ALK: variants seen among roughly 807,000 people sequenced by gnomAD.
The protein encoded by ALK is ALK tyrosine kinase receptor.
A neutral mutation model predicts 163.1 loss-of-function variants in ALK; 74 were observed. That is an observed-to-expected ratio of 0.45 (90% confidence interval 0.38 to 0.55). The LOEUF (loss-of-function observed/expected upper bound fraction) is 0.55, where lower values mean the gene tolerates loss of function less well. Among genes scored for constraint, ALK ranks in the 20% least tolerant of loss-of-function variants. The pLI, the probability that ALK is intolerant of heterozygous loss-of-function variation, is 0.00. For missense variants in ALK, 2,063 were observed against 2,105.3 expected, an observed-to-expected ratio of 0.98 and a Z score of 0.39; for synonymous variants, 960 against 843.2, an observed-to-expected ratio of 1.14 and a Z score of -2.40.
chr2:29,228,917 A>T lies in ALK; in HGVS notation c.2782T>A (p.Cys928Ser). The change falls in exon 16 of 29, where the codon TGC becomes AGC. Residue 928 changes from cysteine to serine, a missense_variant. Physicochemically the swap from Cys to Ser is moderately radical, Grantham distance 112 (BLOSUM62 -1). This residue lies in a region of ALK where 575 missense variants were observed against 626.6 expected (regional missense o/e 0.92). Transcript: ENST00000389048. Reference protein sequence around the residue: ...RGGFGGGGGGCSSGGGGGGYI... With the variant: ...RGGFGGGGGGSSSGGGGGGYI... ...CCTCCGCCTCCTCCACCTGAGGAGC[A>T]CCCCCCTCCACCCCCTCCGAAACCC... 1.8e-5 allele frequency: 25 copies of T among 1,374,950 alleles called. No individual in the cohort carries two copies. Among genetic ancestry groups the T allele is most frequent in the East Asian group, 2.4e-5 (1 of 41,554 alleles). The allele number at this position is 1,374,950 out of a possible 1,614,324, so 85.2% of individuals were successfully genotyped here.
chr2:29,648,555 C>G (rs1426548042), intron 3 of ALK, among the ~76,000 whole-genome samples: 1 of 152,136 alleles, frequency 6.6e-6, no homozygotes, highest in East Asian at 1.9e-4. Context: ...TACTGTCTGT[C>G]TCTGTGAATT....
intron 1 of ALK, among the ~76,000 whole-genome samples, chr2:29,792,867 T>C (rs1371256994): frequency 3.9e-5 from 6 of 152,198 alleles, no homozygotes; most frequent in Non-Finnish European, 8.8e-5. Context: ...GGGTCTTTGG[T>C]GAGTCATAAT....
At chr2:29,430,821 A>C (rs1016724620) in intron 4 of ALK, among the ~76,000 whole-genome samples, 1 of 152,210 alleles carries the variant, frequency 6.6e-6, no homozygotes, top group Non-Finnish European at 1.5e-5. Flanking sequence ...ACTCACTTTG[A>C]TTTGAACAAA....
At chr2:29,558,366 T>C (rs1399775348) in intron 3 of ALK, among the ~76,000 whole-genome samples, 1 of 152,180 alleles carries the variant, frequency 6.6e-6, no homozygotes. Flanking sequence ...GCTTTGTGGC[T>C]TTTTGTTTTG....
intron 4 of ALK, among the ~76,000 whole-genome samples, chr2:29,390,390 G>A (rs1176530637): frequency 6.6e-6 from 1 of 152,170 alleles, no homozygotes; most frequent in Non-Finnish European, 1.5e-5. Flanking sequence ...ACACAGTCAC[G>A]TGGTGATGAT....
chr2:29,565,076 C>T (rs894379585), intron 3 of ALK, among the ~76,000 whole-genome samples: 3 of 152,162 alleles, frequency 2.0e-5, no homozygotes, highest in African/African-American at 4.8e-5. Flanking sequence ...TGTACAGACA[C>T]GGAGCTGGAG....
intron 4 of ALK, among the ~76,000 whole-genome samples, chr2:29,525,727 C>T (rs1294684535): frequency 2.2e-5 from 3 of 135,962 alleles, no homozygotes; most frequent in African/African-American, 2.8e-5. Context: ...GAGACGGAGG[C>T]TGGCAGTGAG....
intron 23 of ALK, among the ~76,000 whole-genome samples, chr2:29,217,879 GCA>G (rs200062702): frequency 2.1e-4 from 22 of 106,368 alleles, no homozygotes; most frequent in African/African-American, 7.3e-4. Context: ...TCTCTTCATG[GCA>G]CATGTTTCTC....
At chr2:29,797,568 C>T (rs1381045799) in intron 1 of ALK, among the ~76,000 whole-genome samples, 1 of 152,174 alleles carries the variant, frequency 6.6e-6, no homozygotes, top group Middle Eastern at 3.2e-3. Context: ...TCCCTGAAGG[C>T]AGGGACCATG....
rs534419575 is a variant in ALK at position 29,693,883 on chromosome 2, G to A, written c.952+967C>T. The stretch of plus-strand genomic sequence containing the variant: ...GTGATCTTGGGGCAGTCACTCCCCC[G>A]CTCTGAGCACTAGTTTTCTTATCTG... On this transcript the variant is annotated intron_variant, in intron 3 of 28. Coordinates refer to ENST00000389048, the MANE Select transcript of ALK (RefSeq NM_004304.5). Among the ~76,000 whole-genome samples, 12 of 152,222 alleles carry A rather than the reference G, an allele frequency of 7.9e-5. No individual in the cohort carries two copies. In the South Asian group the frequency reaches 1.0e-3, roughly 13 times the overall value.
At chr2:29,583,042 G>GTTGTTTT (rs1553335219) in intron 3 of ALK, among the ~76,000 whole-genome samples, 2 of 143,632 alleles carry the variant, frequency 1.4e-5, no homozygotes, top group African/African-American at 5.2e-5. Context: ...TTTGTTTTTT[G>GTTGTTTT]TTTTTTTGTT....
intron 4 of ALK, among the ~76,000 whole-genome samples, chr2:29,410,645 C>A (rs1669704324): frequency 6.6e-6 from 1 of 152,152 alleles, no homozygotes; most frequent in Non-Finnish European, 1.5e-5. Context: ...ATACTGTAGG[C>A]AAAGGTAACA....
rs576978940 is a variant in ALK at position 29,419,307 on chromosome 2, G to A, written c.1155-35448C>T. On this transcript the variant is annotated intron_variant, in intron 4 of 28. Coordinates refer to ENST00000389048, the MANE Select transcript of ALK (RefSeq NM_004304.5). ...TGACCTCAAGTGACCACCCACCTCG[G>A]CTTCCCAAAGCGCTGGGATTACAGG... Among the ~76,000 whole-genome samples the A allele has an allele frequency of 8.3e-4, 126 of 151,554 alleles. 8 individuals are homozygous for A. Among genetic ancestry groups the A allele is most frequent in the African/African-American group, 3.1e-3 (125 of 40,864 alleles).
intron 4 of ALK, among the ~76,000 whole-genome samples, chr2:29,482,335 T>G (rs1248522756): frequency 6.6e-6 from 1 of 152,134 alleles, no homozygotes; most frequent in Non-Finnish European, 1.5e-5. Flanking sequence ...GAATTTCTGG[T>G]GTCTAGTTCT....
chr2:29,813,707 C>G (rs1209334771), intron 1 of ALK, among the ~76,000 whole-genome samples: 1 of 152,214 alleles, frequency 6.6e-6, no homozygotes, highest in Non-Finnish European at 1.5e-5. Flanking sequence ...ATGCTGAACT[C>G]TACAGCATCC....
At chr2:29,693,734 G>T (rs1678470828) in intron 3 of ALK, among the ~76,000 whole-genome samples, 1 of 152,116 alleles carries the variant, frequency 6.6e-6, no homozygotes, top group African/African-American at 2.4e-5. Flanking sequence ...TCGAGAATCT[G>T]GCCACAGAGC....
chr2:29,413,566 C>G (rs919476860), intron 4 of ALK, among the ~76,000 whole-genome samples: 3 of 152,108 alleles, frequency 2.0e-5, no homozygotes, highest in African/African-American at 7.2e-5. Flanking sequence ...GAGCGTCACT[C>G]TTTTGCCCAG....
At chr2:29,831,882 T>C (rs984199989) in intron 1 of ALK, among the ~76,000 whole-genome samples, 5 of 152,248 alleles carry the variant, frequency 3.3e-5, no homozygotes, top group African/African-American at 1.2e-4. Flanking sequence ...CAATATCTCC[T>C]GAATAGGCGA....
At chr2:29,545,913 G>C (rs1024379050) in intron 3 of ALK, among the ~76,000 whole-genome samples, 2 of 152,148 alleles carry the variant, frequency 1.3e-5, no homozygotes, top group Non-Finnish European at 2.9e-5. Context: ...TGCACAATTA[G>C]GAGCCTCTGC....
Sources: gnomAD v4.1 joint callset for allele counts (sites outside exome capture counted in the v4.1 genomes callset) on GRCh38, gnomAD v4.1.1 for gene constraint, gnomAD v4.1.1 regional missense constraint, MANE v1.5 for transcripts, NCBI Gene and HGNC (gene_info 2026-07-23, HGNC 2026-07-21) for gene names.